The following CORO2A variants were observed in gnomAD, a reference collection of about 807,000 sequenced individuals.
CORO2A encodes coronin-2A.
CORO2A carries 47 observed loss-of-function variants against 62.4 expected under a neutral mutation model. The ratio of observed to expected loss-of-function variants is 0.75; its 90% CI spans 0.60 to 0.96. The LOEUF is 0.96. Among genes scored for constraint, CORO2A ranks in the 40% least tolerant of loss-of-function variants. The pLI is 0.00. For synonymous variants in CORO2A, 273 were observed against 268.9 expected, an observed-to-expected ratio of 1.02 and a Z score of -0.15; for missense variants, 610 against 684.1, an observed-to-expected ratio of 0.89 and a Z score of 1.21.
chr9:98,185,990 G>A (rs1473649421), intron 1 of CORO2A, among the ~76,000 whole-genome samples: 1 of 152,326 alleles, frequency 6.6e-6, no homozygotes, highest in East Asian at 1.9e-4. Context: ...TCCCACCCAG[G>A]GCTGGCTAGA....
At chr9:98,133,767 T>C (rs909835606) in intron 4 of CORO2A, among the ~76,000 whole-genome samples, 43 of 151,344 alleles carry the variant, frequency 2.8e-4, no homozygotes, top group African/African-American at 7.5e-4. Context: ...ACAACAATTT[T>C]AGTTATTTAT....
intron 1 of CORO2A, among the ~76,000 whole-genome samples, chr9:98,163,530 T>C (rs911769684): frequency 6.6e-6 from 1 of 152,114 alleles, no homozygotes; most frequent in African/African-American, 2.4e-5. Context: ...CTCACAACTC[T>C]CCTGCAAGGT....
At chr9:98,136,402 A>G (rs561132076) in intron 3 of CORO2A, among the ~76,000 whole-genome samples, 117 of 152,350 alleles carry the variant, frequency 7.7e-4, no homozygotes, top group Non-Finnish European at 1.3e-3. Flanking sequence ...TCCTTTCCTG[A>G]TGAACTGGTC....
intron 1 of CORO2A, among the ~76,000 whole-genome samples, chr9:98,162,080 G>C (rs76859928): frequency 0.063 from 9,635 of 152,276 alleles, 410 homozygotes; most frequent in Middle Eastern, 0.13. Flanking sequence ...TGCATGAATA[G>C]AGCAAGTGGG....
At position 98,152,536 on chromosome 9, in the gene CORO2A, G is replaced by A. The variant is rs1336786863; in HGVS notation, c.201+4924C>T. On this transcript the variant is annotated intron_variant, in intron 2 of 11. Transcript: ENST00000375077. ...TGGGCTCAAGAGATCCACCCATCTTGGCCTCTCAAAGTGCTGGGCCCATAG... is the reference window on the plus strand; with the variant it reads ...TGGGCTCAAGAGATCCACCCATCTTAGCCTCTCAAAGTGCTGGGCCCATAG... Among the ~76,000 whole-genome samples the A allele has an allele frequency of 2.0e-5, 3 of 152,088 alleles. No individual in the cohort carries two copies. In the East Asian group the frequency reaches 5.8e-4, roughly 29 times the overall value.
At chr9:98,178,294 G>A (rs988957987) in intron 1 of CORO2A, among the ~76,000 whole-genome samples, 1 of 152,094 alleles carries the variant, frequency 6.6e-6, no homozygotes, top group Non-Finnish European at 1.5e-5. Flanking sequence ...TGATCCTCTC[G>A]CCTTGGCCTC....
rs1284674218 is a variant in CORO2A at position 98,132,191 on chromosome 9, C to T, written c.759G>A (p.Trp253Ter). Reference protein sequence around the residue: ...SRWNNRQVALWDQDNLSVPLM... With the variant: ...SRWNNRQVAL ...GGTGGGGTGCAGCCCTCACCTGGTC[C>T]CACAAGGCCACCTGCCGGTTGTTCC... Residue 253 changes from tryptophan to a stop codon, truncating the protein, a stop_gained, in exon 6 of 12, where the codon TGG (tryptophan) becomes TGA (stop). Coordinates refer to ENST00000375077, the MANE Select transcript of CORO2A (RefSeq NM_052820.4). LOFTEE classifies it high-confidence loss of function. The T allele has an allele frequency of 4.3e-6, 7 of 1,613,686 alleles. No individual in the cohort carries two copies. The highest frequency in any genetic ancestry group is 5.9e-6 in the Non-Finnish European group (7 of 1,179,724).
chr9:98,128,967 C>CT (rs1433066180), intron 8 of CORO2A, among the ~76,000 whole-genome samples: 1 of 152,338 alleles, frequency 6.6e-6, no homozygotes, highest in African/African-American at 2.4e-5. Context: ...AGGTCTCACT[C>CT]TGTTGCCCAG....
chr9:98,187,583 G>T (rs1330204757), intron 1 of CORO2A, among the ~76,000 whole-genome samples: 5 of 152,164 alleles, frequency 3.3e-5, no homozygotes, highest in African/African-American at 9.7e-5. Context: ...CACTTCCTGG[G>T]TCATAGAATG....
chr9:98,163,668 T>A (rs1264262660), intron 1 of CORO2A, among the ~76,000 whole-genome samples: 1 of 152,066 alleles, frequency 6.6e-6, no homozygotes, highest in African/African-American at 2.4e-5. Flanking sequence ...GAGAGACCCC[T>A]CTTCCTGCTA....
intron 1 of CORO2A, among the ~76,000 whole-genome samples, chr9:98,169,194 C>A (rs1438696274): frequency 6.6e-6 from 1 of 152,038 alleles, no homozygotes; most frequent in East Asian, 1.9e-4. Flanking sequence ...CTCAGGTTTC[C>A]GCCTTCCCCG....
At chr9:98,125,264 T>C (rs1469094080) in intron 11 of CORO2A, among the ~76,000 whole-genome samples, 5 of 152,104 alleles carry the variant, frequency 3.3e-5, no homozygotes, top group African/African-American at 7.2e-5. Flanking sequence ...CTCTGGAAAA[T>C]GGGGTCAGAA....
chr9:98,139,411 T>C (rs565625583), intron 2 of CORO2A, among the ~76,000 whole-genome samples: 57 of 152,246 alleles, frequency 3.7e-4, no homozygotes, highest in Non-Finnish European at 7.4e-5. Flanking sequence ...GTGGATCACC[T>C]GATGTCAGGA....
intron 1 of CORO2A, among the ~76,000 whole-genome samples, chr9:98,188,712 G>A (rs566122119): frequency 1.4e-4 from 22 of 152,292 alleles, no homozygotes; most frequent in Admixed American, 4.6e-4. Context: ...GGAGGTTGCC[G>A]TGAGCCGGGA....
Position 98,126,735 on chromosome 9 carries a change from G to T in CORO2A, c.1260C>A (p.Ala420=), listed in dbSNP as rs1197805941. 4.0e-5 allele frequency: 65 copies of T among 1,614,046 alleles called. No individual in the cohort carries two copies. Among genetic ancestry groups the T allele is most frequent in the Non-Finnish European group, 5.3e-5 (63 of 1,180,048 alleles). ...PAERPIFNSM[A]PASPRLLNQT... ...GATTCAAGAGCCGGGGTGAGGCTGG[G>T]GCCATGGAATTGAAGATAGGTCTCT... Residue 420 remains alanine (A), a synonymous_variant, in exon 11 of 12, where the codon GCC becomes GCA. Transcript: ENST00000375077.
At chr9:98,170,455 T>G (rs1003737352) in intron 1 of CORO2A, among the ~76,000 whole-genome samples, 2 of 152,132 alleles carry the variant, frequency 1.3e-5, no homozygotes, top group African/African-American at 4.8e-5. Context: ...TGTTGTTGTT[T>G]TTTTGAAACA....
chr9:98,148,554 A>C (rs757719728), intron 2 of CORO2A, among the ~76,000 whole-genome samples: 7 of 152,162 alleles, frequency 4.6e-5, no homozygotes, highest in Non-Finnish European at 7.4e-5. Context: ...AACCTGAGCA[A>C]CATAGCAAAA....
intron 1 of CORO2A, among the ~76,000 whole-genome samples, chr9:98,166,169 A>G (rs7860937): frequency 0.21 from 32,573 of 152,176 alleles, 3,789 homozygotes; most frequent in East Asian, 0.42. Flanking sequence ...GGAAAAAAAC[A>G]CAGGACATCC....
Position 98,178,643 on chromosome 9 carries a change from T to C in CORO2A, c.-1+13916A>G, listed in dbSNP as rs377262244. On this transcript the variant is annotated intron_variant, in intron 1 of 11. Coordinates refer to ENST00000375077, the MANE Select transcript of CORO2A (RefSeq NM_052820.4). The stretch of plus-strand genomic sequence containing the variant: ...TCTCTCTGGAGACTCCTGGACCACA[T>C]GAGACAGGAGACTCCTGGACCACAT... Among the ~76,000 whole-genome samples, 18 of 152,282 alleles carry C rather than the reference T, an allele frequency of 1.2e-4. 1 individual carries two copies. Among genetic ancestry groups the C allele is most frequent in the African/African-American group, 4.3e-4 (18 of 41,552 alleles).
Sources: gnomAD v4.1 joint callset for allele counts (sites outside exome capture counted in the v4.1 genomes callset) on GRCh38, gnomAD v4.1.1 for gene constraint, MANE v1.5 for transcripts, NCBI Gene and HGNC (gene_info 2026-07-23, HGNC 2026-07-21) for gene names.